SLC6A3: variants seen among roughly 807,000 people sequenced by gnomAD.
The protein encoded by SLC6A3 is solute carrier family 6 member 3.
SLC6A3 carries 19 observed loss-of-function variants against 70.4 expected under a neutral mutation model. That is an observed-to-expected ratio of 0.27 (90% CI 0.19 to 0.40). SLC6A3 has a LOEUF of 0.40. SLC6A3 is among the 10% of genes least tolerant of loss of function. The probability of loss-of-function intolerance (pLI) is 1.00; values close to 1 mark genes in which losing one functional copy is unlikely to be tolerated. For synonymous variants in SLC6A3, 368 were observed against 356.6 expected (o/e 1.03, Z -0.36); for missense variants, 613 against 838.5 (o/e 0.73, Z 3.32).
In SLC6A3 at chr5:1,397,768, G is replaced by C. The variant is rs1755756055; in HGVS notation, c.1840-3010C>G. Among the ~76,000 whole-genome samples, 1 of 152,182 alleles carries C rather than the reference G, an allele frequency of 6.6e-6. No homozygotes were observed. Among genetic ancestry groups the C allele is most frequent in the Non-Finnish European group, 1.5e-5 (1 of 68,024 alleles). On this transcript the variant is annotated intron_variant, in intron 14 of 14. Coordinates refer to ENST00000270349, the MANE Select transcript of SLC6A3 (RefSeq NM_001044.5). The surrounding 1 kb of genome is among the most constrained non-coding windows in gnomAD (Gnocchi z 4.7). ...ATGTCTGAAGGATGCTTTTTGAAAA[G>C]CAAGAAAATGGTCCTAGAAGAAAAG...
chr5:1,439,554 T>C (rs1184712808), intron 3 of SLC6A3, among the ~76,000 whole-genome samples: 3 of 152,178 alleles, frequency 2.0e-5, no homozygotes, highest in African/African-American at 4.8e-5. Context: ...TCAGCAGCTG[T>C]GAAATGCCAT....
intron 4 of SLC6A3, among the ~76,000 whole-genome samples, chr5:1,423,560 C>G (rs1442751487): frequency 6.6e-6 from 1 of 152,258 alleles, no homozygotes; most frequent in African/African-American, 2.4e-5. Flanking sequence ...TCTGCTCCAG[C>G]AGGAATCACT....
chr5:1,437,262 A>AAAAAG lies in SLC6A3; in HGVS notation c.418+4092_418+4096dup, dbSNP rs926883844. ...GAGATTCCGTCTCACAAAAAAAAAA[A>AAAAAG]AAAAGAAAAGAAAAGAAAAGAAAGA... On this transcript the variant is annotated intron_variant, in intron 3 of 14. Transcript: ENST00000270349. The surrounding 1 kb of genome is among the most constrained non-coding windows in gnomAD (Gnocchi z 4.8). Among the ~76,000 whole-genome samples the AAAAAG allele has an allele frequency of 8.6e-5, 13 of 151,682 alleles. No homozygotes were observed. Among genetic ancestry groups the AAAAAG allele is most frequent in the South Asian group, 2.1e-4 (1 of 4,808 alleles).
chr5:1,443,568 G>C (rs1165366856), intron 1 of SLC6A3, among the ~76,000 whole-genome samples: 1 of 152,202 alleles, frequency 6.6e-6, no homozygotes, highest in Non-Finnish European at 1.5e-5. Context: ...TACTAACAAT[G>C]CATGGATATC....
In SLC6A3 at chr5:1,410,077, C is replaced by T. The variant is rs145300889; in HGVS notation, c.1270-228G>A. Among the ~76,000 whole-genome samples, 20 of 152,318 alleles carry T rather than the reference C, an allele frequency of 1.3e-4. No individual in the cohort carries two copies. In the East Asian group the frequency reaches 2.9e-3, roughly 22 times the overall value. On this transcript the variant is annotated intron_variant, in intron 9 of 14. Coordinates refer to ENST00000270349, the MANE Select transcript of SLC6A3 (RefSeq NM_001044.5). ...GGACCCAGAGGGACCACTGTATCCACGGTAGGGGGTTTGCAGCCTCTTCGA... is the reference window on the plus strand; with the variant it reads ...GGACCCAGAGGGACCACTGTATCCATGGTAGGGGGTTTGCAGCCTCTTCGA...
chr5:1,442,880 A>T lies in SLC6A3; in HGVS notation c.286+32T>A, dbSNP rs752252766. ...CTGCCCCTACGACCCCCGCCCGGCC[A>T]GCATGCTCAGGGAGGCTGAGATGGG... On this transcript the variant is annotated intron_variant, in intron 2 of 14. Coordinates refer to ENST00000270349, the MANE Select transcript of SLC6A3 (RefSeq NM_001044.5). The surrounding 1 kb of genome is among the most constrained non-coding windows in gnomAD (Gnocchi z 5.0). The T allele has an allele frequency of 3.7e-6, 6 of 1,613,150 alleles. No homozygotes were observed. The highest frequency in any genetic ancestry group is 5.1e-6 in the Non-Finnish European group (6 of 1,179,358).
chr5:1,400,265 C>G (rs1249462386), intron 14 of SLC6A3, among the ~76,000 whole-genome samples: 1 of 152,224 alleles, frequency 6.6e-6, no homozygotes, highest in African/African-American at 2.4e-5. Flanking sequence ...CGGGGCCTCT[C>G]TGGGTCTCAG....
At chr5:1,420,191 G>T (rs28382248) in intron 6 of SLC6A3, among the ~76,000 whole-genome samples, 2 of 151,990 alleles carry the variant, frequency 1.3e-5, no homozygotes, top group Non-Finnish European at 2.9e-5. Flanking sequence ...CCAGCCTTCC[G>T]CCAACAGCTG....
rs1382877967 is a variant in SLC6A3, at chr5:1,397,143, C to T, written c.1840-2385G>A. Among the ~76,000 whole-genome samples the T allele has an allele frequency of 2.0e-5, 3 of 152,238 alleles. No homozygotes were observed. Among genetic ancestry groups the T allele is most frequent in the Non-Finnish European group, 4.4e-5 (3 of 68,044 alleles). ...TGGAGGACCTGGGGCAAAGTGGACA[C>T]ACCAGAGCCTCATAATGGAAAACAC... is the stretch of plus-strand genomic sequence containing the variant. On this transcript the variant is annotated intron_variant, in intron 14 of 14. Transcript: ENST00000270349. This position sits in a 1 kb window ranked among gnomAD's most constrained non-coding sequence, Gnocchi z 4.7.
intron 4 of SLC6A3, among the ~76,000 whole-genome samples, chr5:1,428,126 T>C (rs1756614031): frequency 6.6e-6 from 1 of 152,126 alleles, no homozygotes; most frequent in Non-Finnish European, 1.5e-5. Context: ...TATTTTAAAA[T>C]ATTAAAGATG....
chr5:1,433,955 C>A (rs545580051), intron 3 of SLC6A3, among the ~76,000 whole-genome samples: 45 of 152,312 alleles, frequency 3.0e-4, no homozygotes, highest in Admixed American at 1.8e-3. Flanking sequence ...ACATCCACAG[C>A]CATCCACAGC....
chr5:1,396,646 G>C lies in SLC6A3; in HGVS notation c.1840-1888C>G, dbSNP rs1755728102. On this transcript the variant is annotated intron_variant, in intron 14 of 14. Transcript: ENST00000270349. The surrounding 1 kb of genome is among the most constrained non-coding windows in gnomAD (Gnocchi z 7.0). Reference sequence around the variant, plus strand: ...GGTTCAGACGAGCACATCCCGCTGTGAATGAGGAGGCTGGGGAGAGATCCG... The same window carrying C: ...GGTTCAGACGAGCACATCCCGCTGTCAATGAGGAGGCTGGGGAGAGATCCG... 6.6e-6 allele frequency among the ~76,000 whole-genome samples: 1 copy of C among 151,302 alleles called. No individual in the cohort carries two copies. Among genetic ancestry groups the C allele is most frequent in the African/African-American group, 2.4e-5 (1 of 41,398 alleles).
At chr5:1,441,266 A>C (rs1363674800) in intron 3 of SLC6A3, 93 bp downstream of exon 3, 1 of 1,496,468 alleles carries the variant, frequency 6.7e-7, no homozygotes. Context: ...GCAGGGCTGG[A>C]TGCCCATGAT....
Position 1,414,755 on chromosome 5 carries a change from G to C in SLC6A3, c.1092C>G (p.Val364=). The C allele has an allele frequency of 6.2e-7, 1 of 1,612,950 alleles. No homozygotes were observed. Residue 364 remains valine, a synonymous_variant, in exon 8 of 15, where the codon GTC becomes GTG. Coordinates refer to ENST00000270349, the MANE Select transcript of SLC6A3 (RefSeq NM_001044.5). ...GTGCCATGTACCCCAGGAAGGAGAA[G>C]ACGACGAAGCCGGAGGAGAAGCTCG... ...SLTSFSSGFV[V]FSFLGYMAQK...
At position 1,402,952 on chromosome 5, in the gene SLC6A3, C is replaced by G; in HGVS notation, c.1737G>C (p.Lys579Asn). The change falls in exon 13 of 15, where the codon AAG becomes AAC. Residue 579 changes from lysine (K) to asparagine (N), a missense_variant. By Grantham distance (94) the Lys-to-Asn change is moderately conservative. Coordinates refer to ENST00000270349, the MANE Select transcript of SLC6A3 (RefSeq NM_001044.5). This position sits in a 1 kb window ranked among gnomAD's most constrained non-coding sequence, Gnocchi z 8.5. ...MAMVPIYAAY[K>N]FCSLPGSFRE... ...GAAAGGACCCAGGCAGGCTGCAGAA[C>G]TTGTAGGCCGCATAGATGGGCACCA... The G allele has an allele frequency of 1.2e-6, 2 of 1,614,008 alleles. No individual in the cohort carries two copies. Among genetic ancestry groups the G allele is most frequent in the Non-Finnish European group, 1.7e-6 (2 of 1,180,036 alleles).
intron 11 of SLC6A3, among the ~76,000 whole-genome samples, chr5:1,407,973 A>G (rs925441276): frequency 6.8e-6 from 1 of 146,096 alleles, no homozygotes; most frequent in Non-Finnish European, 1.5e-5. Context: ...AGCACCACAG[A>G]CATTCAGCTT....
At chr5:1,417,189 T>G (rs1349216891) in intron 6 of SLC6A3, among the ~76,000 whole-genome samples, 1 of 150,220 alleles carries the variant, frequency 6.7e-6, no homozygotes, top group African/African-American at 2.5e-5. Context: ...GGCGGCTTCC[T>G]GATAACCCTC....
chr5:1,397,993 T>G lies in SLC6A3; in HGVS notation c.1839+2922A>C, dbSNP rs1324679946. On this transcript the variant is annotated intron_variant, in intron 14 of 14. Coordinates refer to ENST00000270349, the MANE Select transcript of SLC6A3 (RefSeq NM_001044.5). The surrounding 1 kb of genome is among the most constrained non-coding windows in gnomAD (Gnocchi z 4.7). ...GAAGATTTAAGTCCTTATAATGGGA[T>G]GGGGTTAAAATATGGTTTCTCTGTA... Among the ~76,000 whole-genome samples, 1 of 152,318 alleles carries G rather than the reference T, an allele frequency of 6.6e-6. No homozygotes were observed.
At chr5:1,414,913 G>A (rs547456058) in intron 7 of SLC6A3, 98 bp from the exon 8 acceptor site, 13 of 1,520,232 alleles carry the variant, frequency 8.6e-6, no homozygotes, top group African/African-American at 8.2e-5. Context: ...GGGGAAGGGG[G>A]CGGGAGGTCT....
Sources: allele counts gnomAD v4.1 joint callset (sites outside exome capture counted in the v4.1 genomes callset), GRCh38; gene constraint gnomAD v4.1.1; non-coding constraint Gnocchi (gnomAD v3.1); transcripts MANE v1.5; gene names NCBI Gene and HGNC (gene_info 2026-07-23, HGNC 2026-07-21).